The following OPCML variants were observed in gnomAD, a reference collection of about 807,000 sequenced individuals.
The protein encoded by OPCML is opioid-binding protein/cell adhesion molecule.
In OPCML, 13 loss-of-function variants were observed where a neutral mutation model predicts 37.8. That is an observed-to-expected ratio of 0.34 (90% CI 0.22 to 0.55). The LOEUF is 0.55. Among genes scored for constraint, OPCML ranks in the 20% least tolerant of loss-of-function variants. OPCML has a pLI of 0.91. For missense variants in OPCML, 341 were observed against 435.6 expected (o/e 0.78, Z 1.93); for synonymous variants, 176 against 168.8 (o/e 1.04, Z -0.33).
At chr11:133,227,457 G>T (rs183214407) in intron 1 of OPCML, among the ~76,000 whole-genome samples, 1 of 152,232 alleles carries the variant, frequency 6.6e-6, no homozygotes, top group Admixed American at 6.5e-5. Context: ...TTTTTGCTGA[G>T]GACACGAATC....
intron 2 of OPCML, among the ~76,000 whole-genome samples, chr11:132,829,206 A>T (rs1940541154): frequency 6.6e-6 from 1 of 152,180 alleles, no homozygotes; most frequent in Non-Finnish European, 1.5e-5. Flanking sequence ...GGAGGGACCA[A>T]ATTAACCCCA....
At chr11:132,572,913 T>C (rs1018210258) in intron 3 of OPCML, among the ~76,000 whole-genome samples, 43 of 152,086 alleles carry the variant, frequency 2.8e-4, no homozygotes, top group African/African-American at 1.0e-3. Context: ...TTGGGTCTTA[T>C]TGAATTTCAT....
At chr11:132,639,298 C>T (rs1055020075) in intron 3 of OPCML, among the ~76,000 whole-genome samples, 10 of 152,112 alleles carry the variant, frequency 6.6e-5, no homozygotes, top group East Asian at 3.9e-4. Flanking sequence ...AAGAAAGTTC[C>T]GGCAGCTTGC....
chr11:132,872,838 C>A (rs1443904740), intron 2 of OPCML, among the ~76,000 whole-genome samples: 2 of 151,514 alleles, frequency 1.3e-5, no homozygotes. Context: ...TCCTGTCATG[C>A]CACCTTGCTC....
At chr11:132,444,996 A>C (rs1303594054) in intron 4 of OPCML, among the ~76,000 whole-genome samples, 1 of 152,240 alleles carries the variant, frequency 6.6e-6, no homozygotes, top group African/African-American at 2.4e-5. Context: ...CGCCTGGTCA[A>C]TGTCTCACTT....
At chr11:133,529,914 G>A (rs532381926) in intron 1 of OPCML, among the ~76,000 whole-genome samples, 1 of 152,206 alleles carries the variant, frequency 6.6e-6, no homozygotes, top group Non-Finnish European at 1.5e-5. Context: ...CTCAAGATGC[G>A]AAGCGTTCTT....
chr11:132,843,959 G>A (rs969600809), intron 2 of OPCML, among the ~76,000 whole-genome samples: 2 of 150,000 alleles, frequency 1.3e-5, no homozygotes, highest in Admixed American at 6.6e-5. Flanking sequence ...CCCATGTGTT[G>A]TGGGAGGGAC....
chr11:133,160,442 T>C (rs372690035), intron 1 of OPCML, among the ~76,000 whole-genome samples: 56 of 152,346 alleles, frequency 3.7e-4, no homozygotes, highest in African/African-American at 1.3e-3. Flanking sequence ...CTGAAATGCC[T>C]ATTGGACAGA....
At chr11:132,572,464 A>G (rs1175500015) in intron 3 of OPCML, among the ~76,000 whole-genome samples, 1 of 152,016 alleles carries the variant, frequency 6.6e-6, no homozygotes, top group Non-Finnish European at 1.5e-5. Context: ...TCATTCTTCT[A>G]TATGTGGATA....
intron 4 of OPCML, among the ~76,000 whole-genome samples, chr11:132,447,906 C>CTA (rs1277996675): frequency 6.6e-6 from 1 of 152,232 alleles, no homozygotes; most frequent in Non-Finnish European, 1.5e-5. Context: ...GGCTCATCAG[C>CTA]TATACTCTTC....
chr11:132,748,773 G>A (rs1427334566), intron 2 of OPCML, among the ~76,000 whole-genome samples: 2 of 152,170 alleles, frequency 1.3e-5, no homozygotes, highest in African/African-American at 4.8e-5. Context: ...CCTGTTCTGC[G>A]GAGAGGATCT....
At position 133,281,508 on chromosome 11, in the gene OPCML, C is replaced by A. The variant is rs1439663694; in HGVS notation, c.61+250756G>T. ...GCAGAACCATGAACCAAGTAAACTTCTTTTCTTTATAAATTACCCAGCCTC... is the reference window on the plus strand; with the variant it reads ...GCAGAACCATGAACCAAGTAAACTTATTTTCTTTATAAATTACCCAGCCTC... On this transcript the variant is annotated intron_variant, in intron 1 of 7. Coordinates refer to ENST00000524381, the MANE Select transcript of OPCML (RefSeq NM_001012393.5). Among the ~76,000 whole-genome samples the A allele has an allele frequency of 3.3e-5, 5 of 152,186 alleles. No individual in the cohort carries two copies. The East Asian group carries it at 9.7e-4, about 30-fold the overall frequency.
chr11:133,344,781 C>T (rs1943957836), intron 1 of OPCML, among the ~76,000 whole-genome samples: 1 of 152,154 alleles, frequency 6.6e-6, no homozygotes, highest in Non-Finnish European at 1.5e-5. Flanking sequence ...AAAAGTAAAA[C>T]CATAAAATGA....
intron 1 of OPCML, among the ~76,000 whole-genome samples, chr11:132,945,663 CTT>C (rs1032673203): frequency 1.3e-5 from 2 of 152,102 alleles, no homozygotes; most frequent in African/African-American, 4.8e-5. Context: ...ACTTTATACA[CTT>C]TGAATTATTT....
chr11:132,819,116 T>C (rs142624949), intron 2 of OPCML, among the ~76,000 whole-genome samples: 2,485 of 152,040 alleles, frequency 0.016, 27 homozygotes, highest in Middle Eastern at 0.031. Flanking sequence ...TCTAGTATTT[T>C]TTAATGCCAG....
chr11:132,660,470 A>T (rs1020934207), intron 2 of OPCML, among the ~76,000 whole-genome samples: 2 of 152,204 alleles, frequency 1.3e-5, no homozygotes, highest in African/African-American at 2.4e-5. Flanking sequence ...CATCAAATTC[A>T]TTCAATTTCT....
At chr11:132,509,169 A>G (rs1401943780) in intron 4 of OPCML, among the ~76,000 whole-genome samples, 1 of 152,152 alleles carries the variant, frequency 6.6e-6, no homozygotes, top group Admixed American at 6.5e-5. Context: ...TCCTTGTCCT[A>G]CAGATTTGTG....
At chr11:132,436,048 G>A (rs200060740) in intron 7 of OPCML, 38 bp downstream of exon 7, 10 of 1,596,492 alleles carry the variant, frequency 6.3e-6, no homozygotes, top group African/African-American at 2.7e-5. Flanking sequence ...GCTTCCCCAT[G>A]TGGCTGAGCC....
chr11:133,526,819 C>G (rs534183883), intron 1 of OPCML, among the ~76,000 whole-genome samples: 2 of 152,354 alleles, frequency 1.3e-5, no homozygotes, highest in East Asian at 3.9e-4. Context: ...TCCTCAGGAC[C>G]TAGCCCTGCA....
Sources: gnomAD v4.1 joint callset for allele counts (sites outside exome capture counted in the v4.1 genomes callset) on GRCh38, gnomAD v4.1.1 for gene constraint, MANE v1.5 for transcripts, NCBI Gene and HGNC (gene_info 2026-07-23, HGNC 2026-07-21) for gene names.